FBXO25: variants seen among roughly 807,000 people sequenced by gnomAD.
FBXO25 encodes the protein F-box only protein 25.
In FBXO25, 45 loss-of-function variants were observed where a neutral mutation model predicts 51.9. The observed-to-expected ratio is 0.87, with a 90% CI of 0.68 to 1.11. FBXO25 has a LOEUF of 1.11. Ranked by LOEUF, FBXO25 falls within the 50% of genes most tolerant of loss-of-function variation. The pLI is 0.00. For missense variants in FBXO25, 507 were observed against 428.5 expected (o/e 1.18, Z -1.62); for synonymous variants, 199 against 151.0 (o/e 1.32, Z -2.33).
intron 2 of FBXO25, among the ~76,000 whole-genome samples, chr8:419,150 A>T (rs1415775376): frequency 6.6e-6 from 1 of 152,152 alleles, no homozygotes; most frequent in Non-Finnish European, 1.5e-5. Context: ...ACCTGAGGTC[A>T]GGAGTTCAAG....
intron 2 of FBXO25, among the ~76,000 whole-genome samples, chr8:430,665 G>T (rs1360141886): frequency 6.6e-6 from 1 of 152,146 alleles, no homozygotes; most frequent in Non-Finnish European, 1.5e-5. Flanking sequence ...TTTACACAGC[G>T]TTAGTTTTGA....
chr8:458,774 A>C (rs1043008430), intron 8 of FBXO25, among the ~76,000 whole-genome samples: 2 of 152,236 alleles, frequency 1.3e-5, no homozygotes, highest in Admixed American at 1.3e-4. Context: ...AAATAACCCA[A>C]AACTGAACAG....
chr8:467,770 T>C, intron 9 of FBXO25: 1 of 1,613,642 alleles, frequency 6.2e-7, no homozygotes, highest in Non-Finnish European at 8.5e-7. Flanking sequence ...TTGCCACACA[T>C]CCTGTGTTCG....
intron 5 of FBXO25, among the ~76,000 whole-genome samples, chr8:447,891 G>C (rs1241171354): frequency 6.6e-6 from 1 of 152,154 alleles, no homozygotes; most frequent in Non-Finnish European, 1.5e-5. Flanking sequence ...ACAACCAAGT[G>C]AGACAGCAGG....
At chr8:440,319 A>G (rs545587041) in intron 5 of FBXO25, among the ~76,000 whole-genome samples, 91 of 152,310 alleles carry the variant, frequency 6.0e-4, no homozygotes, top group African/African-American at 2.1e-3. Context: ...GTTAGCCACT[A>G]TTTTGATTTT....
chr8:426,438 C>T (rs538751770), intron 2 of FBXO25, among the ~76,000 whole-genome samples: 1 of 151,994 alleles, frequency 6.6e-6, no homozygotes, highest in South Asian at 2.1e-4. Flanking sequence ...TCTGATTTTA[C>T]AGACATGCAT....
chr8:461,838 A>G (rs62483136), intron 8 of FBXO25, among the ~76,000 whole-genome samples: 17,336 of 152,256 alleles, frequency 0.11, 1,082 homozygotes, highest in South Asian at 0.19. Flanking sequence ...TCAGAGCTTC[A>G]TTCAAGACTG....
intron 7 of FBXO25, 91 bp from the exon 8 acceptor site, chr8:458,278 T>C: frequency 7.1e-7 from 1 of 1,415,584 alleles, no homozygotes; most frequent in Admixed American, 1.9e-5. Context: ...TACCATGTTT[T>C]GAAGCATTCA....
chr8:457,628 G>A (rs2116781782), intron 7 of FBXO25, among the ~76,000 whole-genome samples: 1 of 152,334 alleles, frequency 6.6e-6, no homozygotes, highest in Admixed American at 6.5e-5. Context: ...GATGACTGCA[G>A]TTAATAATTA....
intron 7 of FBXO25, among the ~76,000 whole-genome samples, chr8:455,255 C>A (rs1234549144): frequency 6.6e-6 from 1 of 152,162 alleles, no homozygotes; most frequent in African/African-American, 2.4e-5. Context: ...ATTGAAAGGT[C>A]CTTGTTTAGA....
chr8:464,515 A>G (rs1267486221), intron 9 of FBXO25, among the ~76,000 whole-genome samples: 2 of 152,158 alleles, frequency 1.3e-5, no homozygotes, highest in Non-Finnish European at 2.9e-5. Context: ...TGCCTTCTCT[A>G]GGTCTAGGGA....
chr8:467,780 G>T (rs771317602), intron 9 of FBXO25: 3 of 1,612,596 alleles, frequency 1.9e-6, no homozygotes, highest in East Asian at 2.2e-5. Flanking sequence ...TCCTGTGTTC[G>T]GGATGAAAAC....
intron 1 of FBXO25, chr8:407,465 C>A (rs1308793745): frequency 1.0e-6 from 1 of 980,316 alleles, no homozygotes; most frequent in African/African-American, 1.8e-5. Flanking sequence ...CAGGGAGCTG[C>A]GGGCGAGTCG....
chr8:454,761 C>T (rs1454296029), intron 7 of FBXO25, among the ~76,000 whole-genome samples: 4 of 151,758 alleles, frequency 2.6e-5, no homozygotes, highest in African/African-American at 7.3e-5. Flanking sequence ...CGTGGTGGGA[C>T]GTGCCTGTGG....
At chr8:466,354 G>C (rs1800160564) in intron 9 of FBXO25, among the ~76,000 whole-genome samples, 1 of 152,154 alleles carries the variant, frequency 6.6e-6, no homozygotes, top group Admixed American at 6.5e-5. Context: ...CTAGGGTCTT[G>C]GTTTGACGCC....
rs533128455 is a variant in FBXO25 at position 471,422 on chromosome 8, G to C, written c.*2618G>C. 1.1e-4 allele frequency: 16 copies of C among 152,346 alleles called. No homozygotes were observed. The highest frequency in any genetic ancestry group is 3.8e-4 in the African/African-American group (16 of 41,584). The allele number at this position is 152,346 out of a possible 1,614,324, so 9.4% of individuals were successfully genotyped here. A position where few individuals can be genotyped will look rare whatever the true frequency, so the allele number is the denominator to read the frequency against. ...CTTTGGAATGGTATTTTTGAATACAGTTTCTATCAGGGGGCCTTCCAAAAG... is the reference window on the plus strand; with the variant it reads ...CTTTGGAATGGTATTTTTGAATACACTTTCTATCAGGGGGCCTTCCAAAAG... On this transcript the variant is annotated 3_prime_UTR_variant, in exon 10 of 10. Transcript: ENST00000350302.
Position 415,520 on chromosome 8 carries a change from G to A in FBXO25, c.134+2307G>A, listed in dbSNP as rs186550630. ...GTTGATTCAGAATAGAGGGTAGGTC[G>A]GCTGGGGTCCAGATTGAAGAGAGGA... On this transcript the variant is annotated intron_variant, in intron 2 of 9. Transcript: ENST00000350302. Among the ~76,000 whole-genome samples the A allele has an allele frequency of 3.7e-4, 56 of 152,272 alleles. No individual in the cohort carries two copies. The East Asian group carries it at 0.01, about 28-fold the overall frequency.
At chr8:459,245 G>A (rs866648212) in intron 8 of FBXO25, among the ~76,000 whole-genome samples, 53 of 152,344 alleles carry the variant, frequency 3.5e-4, no homozygotes, top group South Asian at 1.2e-3. Flanking sequence ...TGTGCTCCTC[G>A]TGGGGTGTGA....
chr8:459,507 A>G (rs1272660133), intron 8 of FBXO25, among the ~76,000 whole-genome samples: 1 of 152,230 alleles, frequency 6.6e-6, no homozygotes, highest in Non-Finnish European at 1.5e-5. Flanking sequence ...CAGCTTTCAG[A>G]AGAGCCTCTG....
Sources: gnomAD v4.1 joint callset for allele counts (sites outside exome capture counted in the v4.1 genomes callset) on GRCh38, gnomAD v4.1.1 for gene constraint, MANE v1.5 for transcripts, NCBI Gene and HGNC (gene_info 2026-07-23, HGNC 2026-07-21) for gene names.